The following CEP192 variants were observed in gnomAD, a reference collection of about 807,000 sequenced individuals.
CEP192 encodes centrosomal protein of 192 kDa.
In CEP192, 151 loss-of-function variants were observed where a neutral mutation model predicts 271.8. The observed-to-expected ratio is 0.56, with a 90% CI of 0.49 to 0.64. CEP192 has a LOEUF of 0.64. CEP192 is among the 30% of genes least tolerant of loss of function. The pLI, the probability that CEP192 is intolerant of heterozygous loss-of-function variation, is 0.00. For synonymous variants in CEP192, 995 were observed against 1,076.5 expected, an observed-to-expected ratio of 0.92 and a Z score of 1.48; for missense variants, 2,910 against 3,020.5, an observed-to-expected ratio of 0.96 and a Z score of 0.86.
chr18:13,103,667 A>G lies in CEP192; in HGVS notation c.6951+79A>G, dbSNP rs889444656. 86 of 1,079,592 alleles carry G rather than the reference A, an allele frequency of 8.0e-5. No individual in the cohort carries two copies. The African/African-American group carries it at 1.0e-3, about 13-fold the overall frequency. 66.9% of individuals were successfully genotyped at this position (1,079,592 alleles called of 1,614,324 possible). A position where few individuals can be genotyped will look rare whatever the true frequency, so the allele number is the denominator to read the frequency against. ...GATGTTCTAAAAACTGACTATGAGC[A>G]TAGGTTGATATTACTGGTTATTTGC... On this transcript the variant is annotated intron_variant, in intron 39 of 44. Transcript: ENST00000506447.
At chr18:13,099,990 T>G (rs1258666937) in intron 37 of CEP192, among the ~76,000 whole-genome samples, 1 of 152,214 alleles carries the variant, frequency 6.6e-6, no homozygotes, top group African/African-American at 2.4e-5. Context: ...ATCTGTATTC[T>G]GAGGCCAACT....
chr18:13,115,651 C>T (rs1479726272), intron 42 of CEP192, among the ~76,000 whole-genome samples: 1 of 152,092 alleles, frequency 6.6e-6, no homozygotes, highest in Non-Finnish European at 1.5e-5. Context: ...GATAGGAGGG[C>T]CTCTGCAATG....
At chr18:13,046,073 C>A (rs553361964) in intron 15 of CEP192, among the ~76,000 whole-genome samples, 2 of 152,128 alleles carry the variant, frequency 1.3e-5, no homozygotes, top group African/African-American at 4.8e-5. Flanking sequence ...TTTAACGGGC[C>A]CATAGTTCTG....
At position 13,015,392 on chromosome 18, in the gene CEP192, C is replaced by G; in HGVS notation, c.584C>G (p.Thr195Ser). ...DKTLKSDLSH[T>S]SLLENEKLIL... ...ACTCTAAAGAGTGACCTAAGCCACA[C>G]TAGCTTATTAGAAAATGAGAAACTT... Residue 195 changes from threonine (T) to serine (S), a missense_variant, in exon 6 of 45, where the codon ACT becomes AGT. Coordinates refer to ENST00000506447, the MANE Select transcript of CEP192 (RefSeq NM_032142.4). The G allele has an allele frequency of 6.5e-7, 1 of 1,549,904 alleles. No individual in the cohort carries two copies. Among genetic ancestry groups the G allele is most frequent in the Non-Finnish European group, 8.7e-7 (1 of 1,145,416 alleles).
rs777893353 is a variant in CEP192, at chr18:13,104,936, A to G, written c.6952-48A>G. 7.5e-6 allele frequency: 10 copies of G among 1,336,494 alleles called. No individual in the cohort carries two copies. In the Admixed American group the frequency reaches 1.7e-4, roughly 22 times the overall value. 82.8% of individuals were successfully genotyped at this position (1,336,494 alleles called of 1,614,324 possible). On this transcript the variant is annotated intron_variant, in intron 39 of 44. Transcript: ENST00000506447. ...AGGTAATAGTGTCTCTGTGGGATTTATCCATTGGCTTTATGGTTTTTAATT... is the reference window on the plus strand; with the variant it reads ...AGGTAATAGTGTCTCTGTGGGATTTGTCCATTGGCTTTATGGTTTTTAATT...
chr18:13,096,382 T>TCATAAAG, intron 36 of CEP192, 75 bp downstream of exon 36: 1 of 1,563,360 alleles, frequency 6.4e-7, no homozygotes, highest in Admixed American at 1.8e-5. Flanking sequence ...TCAAATAATA[T>TCATAAAG]GTCATTGTAG....
Position 13,049,170 on chromosome 18 carries a change from T to C in CEP192, c.2379T>C (p.Tyr793=), listed in dbSNP as rs2036637300. The C allele has an allele frequency of 1.9e-6, 3 of 1,614,002 alleles. No homozygotes were observed. The highest frequency in any genetic ancestry group is 2.5e-6 in the Non-Finnish European group (3 of 1,180,002). ...TTAAAAAAACAGAAGTTAGTAGATATGAAAGTGCATTGGAAAACTTTTCAA... is the reference window on the plus strand; with the variant it reads ...TTAAAAAAACAGAAGTTAGTAGATACGAAAGTGCATTGGAAAACTTTTCAA... ...KYLKKTEVSR[Y]ESALENFSRA... is the part of the protein sequence containing the mutation. The change falls in exon 16 of 45, where the codon TAT becomes TAC. Residue 793 remains tyrosine, a synonymous_variant. Coordinates refer to ENST00000506447, the MANE Select transcript of CEP192 (RefSeq NM_032142.4).
chr18:13,015,594 T>C, intron 6 of CEP192, 146 bp downstream of exon 6: 1 of 679,716 alleles, frequency 1.5e-6, no homozygotes, highest in East Asian at 2.7e-5. Context: ...TGGCCACTTC[T>C]ATTAAGTGAT....
intron 17 of CEP192, 85 bp downstream of exon 17, chr18:13,049,976 A>G: frequency 1.8e-6 from 2 of 1,124,262 alleles, no homozygotes; most frequent in South Asian, 1.6e-5. Flanking sequence ...AAGAAAAATT[A>G]TCTGTGCATT....
intron 39 of CEP192, among the ~76,000 whole-genome samples, chr18:13,104,585 C>G (rs767737541): frequency 6.6e-6 from 1 of 152,108 alleles, no homozygotes; most frequent in Non-Finnish European, 1.5e-5. Flanking sequence ...GCACACCAGC[C>G]TAGGCAACAG....
intron 21 of CEP192, among the ~76,000 whole-genome samples, chr18:13,067,339 T>C (rs1003322262): frequency 6.6e-6 from 1 of 152,078 alleles, no homozygotes; most frequent in Non-Finnish European, 1.5e-5. Context: ...CATGTGGGTG[T>C]GTGAGGGGTC....
At chr18:13,034,820 T>TAAA (rs33997079) in intron 11 of CEP192, among the ~76,000 whole-genome samples, 1 of 104,512 alleles carries the variant, frequency 9.6e-6, no homozygotes. Flanking sequence ...CTCTGTCTCA[T>TAAA]AAAAAAAAAA....
intron 11 of CEP192, among the ~76,000 whole-genome samples, chr18:13,035,796 G>A (rs990768193): frequency 6.6e-6 from 1 of 152,094 alleles, no homozygotes; most frequent in South Asian, 2.1e-4. Context: ...AATTTTGAGG[G>A]CTTCATGGTT....
rs754900937 is a variant in CEP192, at chr18:13,056,267, C to G, written c.3677C>G (p.Thr1226Ser). Residue 1226 changes from threonine to serine, a missense_variant, in exon 19 of 45, where the codon ACT becomes AGT. Coordinates refer to ENST00000506447, the MANE Select transcript of CEP192 (RefSeq NM_032142.4). ...CAGACCACCTCTGAAAACCAGTGTACTCCTATTCCCAGCAGCACAGTTCAC... is the reference window on the plus strand; with the variant it reads ...CAGACCACCTCTGAAAACCAGTGTAGTCCTATTCCCAGCAGCACAGTTCAC... Reference protein sequence around the residue: ...SHQTTSENQCTPIPSSTVHSS... With the variant: ...SHQTTSENQCSPIPSSTVHSS... 6.2e-7 allele frequency: 1 copy of G among 1,613,732 alleles called. No homozygotes were observed. The highest frequency in any genetic ancestry group is 8.5e-7 in the Non-Finnish European group (1 of 1,179,760).
At chr18:13,003,294 C>T (rs1481765460) in intron 3 of CEP192, among the ~76,000 whole-genome samples, 3 of 151,698 alleles carry the variant, frequency 2.0e-5, no homozygotes, top group Non-Finnish European at 2.9e-5. Flanking sequence ...ACCAAAAACA[C>T]AAAAATTAGC....
At position 13,087,543 on chromosome 18, in the gene CEP192, A is replaced by G. The variant is rs1208949991; in HGVS notation, c.5890A>G (p.Ile1964Val). 6.9e-7 allele frequency: 1 copy of G among 1,452,498 alleles called. No individual in the cohort carries two copies. Among genetic ancestry groups the G allele is most frequent in the East Asian group, 2.3e-5 (1 of 43,518 alleles). The allele number at this position is 1,452,498 out of a possible 1,614,324, so 90.0% of individuals were successfully genotyped here. The change falls in exon 32 of 45, where the codon ATA becomes GTA. Residue 1964 changes from isoleucine (I) to valine (V), a missense_variant. By Grantham distance (29) the Ile-to-Val change is conservative. Transcript: ENST00000506447. ...TTCTTGGCATCAGAATGTTACTTTA[A>G]TATATAATCCATCAGACAGAGGAAT... ...KERTQENVTL[I>V]YNPSDRGINN...
chr18:13,074,666 CAG>C (rs1474569782), intron 30 of CEP192, among the ~76,000 whole-genome samples: 1 of 152,180 alleles, frequency 6.6e-6, no homozygotes, highest in Admixed American at 6.5e-5. Context: ...TGTCCTCTCA[CAG>C]AGGTGGGCTG....
chr18:13,041,162 A>G (rs566569032), intron 14 of CEP192, among the ~76,000 whole-genome samples: 1 of 152,318 alleles, frequency 6.6e-6, no homozygotes, highest in Admixed American at 6.5e-5. Flanking sequence ...AAATCTACCT[A>G]AATTTGTAAA....
In CEP192 at chr18:12,994,903, G is replaced by A. The variant is rs888956087; in HGVS notation, c.-5+3466G>A. On this transcript the variant is annotated intron_variant, in intron 1 of 44. Coordinates refer to ENST00000506447, the MANE Select transcript of CEP192 (RefSeq NM_032142.4). Reference sequence around the variant, plus strand: ...CATATGAGGAGCAAATAAAGGAAGAGGATGTCAGATGAGTTGTGAAAGTAT... The same window carrying A: ...CATATGAGGAGCAAATAAAGGAAGAAGATGTCAGATGAGTTGTGAAAGTAT... 3.3e-5 allele frequency among the ~76,000 whole-genome samples: 5 copies of A among 152,254 alleles called. No individual in the cohort carries two copies. The East Asian group carries it at 9.7e-4, about 29-fold the overall frequency.
Sources: gnomAD v4.1 joint callset for allele counts (sites outside exome capture counted in the v4.1 genomes callset) on GRCh38, gnomAD v4.1.1 for gene constraint, MANE v1.5 for transcripts, NCBI Gene and HGNC (gene_info 2026-07-23, HGNC 2026-07-21) for gene names.